Variants in HP1BP3 observed in about 807,000 individuals in gnomAD.
The protein encoded by HP1BP3 is heterochromatin protein 1 binding protein 3.
In HP1BP3, 12 loss-of-function variants were observed where a neutral mutation model predicts 62.5. The ratio of observed to expected loss-of-function variants is 0.19; its 90% CI spans 0.12 to 0.31. HP1BP3 has a LOEUF of 0.31. Among genes scored for constraint, HP1BP3 ranks in the 10% least tolerant of loss-of-function variants. The pLI is 1.00. For missense variants in HP1BP3, 502 were observed against 651.8 expected (o/e 0.77, Z 2.50); for synonymous variants, 260 against 237.8 (o/e 1.09, Z -0.86).
chr1:20,757,344 T>C, intron 8 of HP1BP3, 88 bp from the exon 9 acceptor site: 1 of 717,540 alleles, frequency 1.4e-6, no homozygotes, highest in Non-Finnish European at 2.2e-6. Flanking sequence ...TTCCCAGATC[T>C]AGAGTTCTGA....
intron 8 of HP1BP3, among the ~76,000 whole-genome samples, chr1:20,762,813 A>G (rs2056561191): frequency 6.6e-6 from 1 of 152,186 alleles, no homozygotes. Context: ...ACAAGTTTTC[A>G]GAACCTCCTG....
chr1:20,786,497 G>A (rs573030267), intron 1 of HP1BP3: 1 of 152,542 alleles, frequency 6.6e-6, no homozygotes, highest in East Asian at 1.9e-4. Context: ...CGCCAGCGAG[G>A]CGGGGAAAGC....
chr1:20,780,240 A>G lies in HP1BP3; in HGVS notation c.96+105T>C, dbSNP rs114609557. 3,986 of 808,780 alleles carry G rather than the reference A, an allele frequency of 4.9e-3. 50 individuals carry two copies. The highest frequency in any genetic ancestry group is 0.025 in the South Asian group (1,702 of 69,276). The allele number at this position is 808,780 out of a possible 1,614,324, so 50.1% of individuals were successfully genotyped here. ...TGATTTTGTTTCAAATTCACAACCT[A>G]GACTCCCCAAAGTAAGGGAAGGAAC... On this transcript the variant is annotated intron_variant, in intron 2 of 12. Coordinates refer to ENST00000438032, the MANE Select transcript of HP1BP3 (RefSeq NM_001372052.1).
intron 11 of HP1BP3, among the ~76,000 whole-genome samples, chr1:20,746,221 TGTGTG>T: frequency 6.6e-6 from 1 of 151,388 alleles, no homozygotes; most frequent in Non-Finnish European, 1.5e-5. Context: ...TGTGTGTGTG[TGTGTG>T]TTTCTTGCCT....
intron 3 of HP1BP3, among the ~76,000 whole-genome samples, chr1:20,779,247 G>GA (rs1216427059): frequency 5.9e-5 from 9 of 151,892 alleles, no homozygotes; most frequent in Admixed American, 5.3e-4. Flanking sequence ...ATCATGAGAA[G>GA]AAAAATAAAG....
rs1478552487 is a variant in HP1BP3, at chr1:20,787,224, GTCCCGCACGGCCTCTCGGCGCCGC to G, written c.-154_-131del. 1 of 152,198 alleles carries G rather than the reference GTCCCGCACGGCCTCTCGGCGCCGC, an allele frequency of 6.6e-6. No individual in the cohort carries two copies. Among genetic ancestry groups the G allele is most frequent in the African/African-American group, 2.4e-5 (1 of 41,324 alleles). The allele number at this position is 152,198 out of a possible 1,614,324, so 9.4% of individuals were successfully genotyped here. On this transcript the variant is annotated 5_prime_UTR_variant, in exon 1 of 13. Transcript: ENST00000438032. ...GCGTTCGGCCGGTCCTGGCGCCCGC[GTCCCGCACGGCCTCTCGGCGCCGC>G]TCCCGCCGCCGCTAGTCGCCTCCGC... is the stretch of plus-strand genomic sequence containing the variant.
rs1196134976 is a variant in HP1BP3, at chr1:20,746,634, G to C, written c.1253+910C>G. On this transcript the variant is annotated intron_variant, in intron 11 of 12. Transcript: ENST00000438032. Reference sequence around the variant, plus strand: ...TTTTTTGTTTCAAAGAATAAATAAGGTATTTGCAAGAAACAAATTTTCAGA... The same window carrying C: ...TTTTTTGTTTCAAAGAATAAATAAGCTATTTGCAAGAAACAAATTTTCAGA... 2.0e-5 allele frequency among the ~76,000 whole-genome samples: 3 copies of C among 152,154 alleles called. No homozygotes were observed. The South Asian group carries it at 6.2e-4, about 32-fold the overall frequency.
chr1:20,757,987 T>C (rs544841140), intron 8 of HP1BP3, among the ~76,000 whole-genome samples: 2 of 151,674 alleles, frequency 1.3e-5, no homozygotes, highest in East Asian at 3.9e-4. Flanking sequence ...CTACTAAAAA[T>C]ACAAAAAAAT....
chr1:20,787,058 C>T (rs1271845431), intron 1 of HP1BP3, 137 bp downstream of exon 1: 1 of 151,936 alleles, frequency 6.6e-6, no homozygotes, highest in Non-Finnish European at 1.5e-5. Flanking sequence ...AAGGCGCCAC[C>T]TCCGGGGACC....
intron 7 of HP1BP3, among the ~76,000 whole-genome samples, chr1:20,766,016 G>A (rs1487482005): frequency 1.3e-5 from 2 of 151,792 alleles, no homozygotes; most frequent in Non-Finnish European, 2.9e-5. Flanking sequence ...AAGGAGCCAG[G>A]TGTGGTGGCT....
chr1:20,785,276 TTTTAA>T (rs1304750041), intron 1 of HP1BP3, among the ~76,000 whole-genome samples: 9 of 152,184 alleles, frequency 5.9e-5, no homozygotes, highest in African/African-American at 1.2e-4. Context: ...CAAATTTCAG[TTTTAA>T]TTTATTTCCT....
intron 12 of HP1BP3, 90 bp from the exon 13 acceptor site, chr1:20,745,181 A>G (rs1200114363): frequency 2.1e-6 from 3 of 1,398,024 alleles, no homozygotes; most frequent in Non-Finnish European, 2.9e-6. Context: ...GAGAAACGGC[A>G]TATGAAGTGG....
rs189033810 is a variant in HP1BP3 at position 20,754,662 on chromosome 1, G to A, written c.981+2504C>T. On this transcript the variant is annotated intron_variant, in intron 9 of 12. Coordinates refer to ENST00000438032, the MANE Select transcript of HP1BP3 (RefSeq NM_001372052.1). The stretch of plus-strand genomic sequence containing the variant: ...CAGAACAAAAGAGAACTCAGAATCC[G>A]GAAATAAACCCTTATATTTATGGTC... 3.9e-5 allele frequency among the ~76,000 whole-genome samples: 6 copies of A among 152,138 alleles called. No homozygotes were observed. The East Asian group carries it at 1.2e-3, about 29-fold the overall frequency.
At chr1:20,782,773 G>A (rs555621921) in intron 1 of HP1BP3, among the ~76,000 whole-genome samples, 8 of 151,418 alleles carry the variant, frequency 5.3e-5, no homozygotes, top group Admixed American at 1.3e-4. Context: ...GGTGGTGCGC[G>A]CCTGTAATCC....
chr1:20,768,990 C>CT (rs1301322256), intron 6 of HP1BP3, among the ~76,000 whole-genome samples: 2 of 152,174 alleles, frequency 1.3e-5, no homozygotes, highest in African/African-American at 4.8e-5. Flanking sequence ...AGGTCATAAA[C>CT]TAAAACATGA....
rs1489855613 is a variant in HP1BP3 at position 20,741,726 on chromosome 1, A to G, written c.*3071T>C. ...TTTCTGAGACTCATTTATCAAAGGTAGCTTGTAGGTAGTTTCAGAGTGTAT... is the reference window on the plus strand; with the variant it reads ...TTTCTGAGACTCATTTATCAAAGGTGGCTTGTAGGTAGTTTCAGAGTGTAT... On this transcript the variant is annotated 3_prime_UTR_variant, in exon 13 of 13. Transcript: ENST00000438032. Among the ~76,000 whole-genome samples, 1 of 152,206 alleles carries G rather than the reference A, an allele frequency of 6.6e-6. No individual in the cohort carries two copies. The highest frequency in any genetic ancestry group is 1.5e-5 in the Non-Finnish European group (1 of 68,036).
chr1:20,747,492 G>T, intron 11 of HP1BP3, 52 bp downstream of exon 11: 1 of 1,088,648 alleles, frequency 9.2e-7, no homozygotes, highest in Non-Finnish European at 1.4e-6. Flanking sequence ...TAAACTGAGT[G>T]TGTAACTTAG....
chr1:20,781,655 C>CT (rs1413526846), intron 1 of HP1BP3, among the ~76,000 whole-genome samples: 2 of 152,078 alleles, frequency 1.3e-5, no homozygotes, highest in Admixed American at 6.6e-5. Flanking sequence ...GAGACGGAGT[C>CT]TTGCTCTGTT....
At chr1:20,758,805 C>T (rs2056287482) in intron 8 of HP1BP3, among the ~76,000 whole-genome samples, 1 of 152,038 alleles carries the variant, frequency 6.6e-6, no homozygotes, top group Non-Finnish European at 1.5e-5. Flanking sequence ...CATGCCACTA[C>T]ACCAGCTAAT....
Sources: allele counts gnomAD v4.1 joint callset (sites outside exome capture counted in the v4.1 genomes callset), GRCh38; gene constraint gnomAD v4.1.1; transcripts MANE v1.5; gene names NCBI Gene and HGNC (gene_info 2026-07-23, HGNC 2026-07-21).